The following NIPA2 variants were observed in gnomAD, a reference collection of about 807,000 sequenced individuals.
NIPA2 encodes the protein NIPA magnesium transporter 2, also known as magnesium transporter NIPA2.
A neutral mutation model predicts 29.7 loss-of-function variants in NIPA2; 11 were observed. The observed-to-expected ratio is 0.37, with a 90% CI of 0.23 to 0.61. The LOEUF is 0.61. Ranked by LOEUF, NIPA2 falls within the 20% of genes least tolerant of loss-of-function variation. The probability of loss-of-function intolerance (pLI) is 0.66; values close to 1 mark genes in which losing one functional copy is unlikely to be tolerated. For missense variants in NIPA2, 426 were observed against 437.9 expected (o/e 0.97, Z 0.24); for synonymous variants, 183 against 161.9 (o/e 1.13, Z -0.99).
chr15:22,867,705 T>TAAAA lies in NIPA2; in HGVS notation c.*860_*863dup, dbSNP rs998848199. The TAAAA allele has an allele frequency of 1.2e-4, 19 of 152,344 alleles. No homozygotes were observed. Among genetic ancestry groups the TAAAA allele is most frequent in the Admixed American group, 1.1e-3 (17 of 15,286 alleles). The allele number at this position is 152,344 out of a possible 1,614,324, so 9.4% of individuals were successfully genotyped here. Reference sequence around the variant, plus strand: ...TTCTTAAATTTAGCTCATGTTATAATAAAAAGTTGAAATGAAGTTCTTATT... The same window carrying TAAAA: ...TTCTTAAATTTAGCTCATGTTATAATAAAAAAAAAGTTGAAATGAAGTTCTTATT... On this transcript the variant is annotated 3_prime_UTR_variant, in exon 8 of 8. Coordinates refer to ENST00000337451, the MANE Select transcript of NIPA2 (RefSeq NM_030922.7).
chr15:22,852,195 G>A (rs558143061), intron 4 of NIPA2, among the ~76,000 whole-genome samples: 1 of 152,170 alleles, frequency 6.6e-6, no homozygotes, highest in Non-Finnish European at 1.5e-5. Context: ...GGCTGGGCGT[G>A]GTGGCTCATG....
At chr15:22,843,054 G>C (rs1377322556) in intron 2 of NIPA2, among the ~76,000 whole-genome samples, 1 of 151,860 alleles carries the variant, frequency 6.6e-6, no homozygotes, top group African/African-American at 2.4e-5. Context: ...AAATGATGCA[G>C]GGTCTTTGTT....
intron 3 of NIPA2, among the ~76,000 whole-genome samples, chr15:22,851,314 A>G (rs2057722217): frequency 6.6e-6 from 1 of 152,128 alleles, no homozygotes; most frequent in Non-Finnish European, 1.5e-5. Flanking sequence ...TCCAAACTAG[A>G]TTTGTATATT....
At chr15:22,859,356 G>T (rs555684958) in intron 6 of NIPA2, among the ~76,000 whole-genome samples, 1 of 137,774 alleles carries the variant, frequency 7.3e-6, no homozygotes, top group South Asian at 2.3e-4. Flanking sequence ...GCAGTGGCAC[G>T]ATCTCGGCTC....
At chr15:22,849,864 G>A (rs1173096938) in intron 3 of NIPA2, among the ~76,000 whole-genome samples, 1 of 151,944 alleles carries the variant, frequency 6.6e-6, no homozygotes, top group Non-Finnish European at 1.5e-5. Context: ...GCCCGACCCA[G>A]TGTTTCAGTA....
intron 2 of NIPA2, among the ~76,000 whole-genome samples, chr15:22,840,276 G>C (rs1009324488): frequency 1.3e-5 from 2 of 150,246 alleles, no homozygotes; most frequent in African/African-American, 4.9e-5. Context: ...AGAAAACTAA[G>C]AGCTCTATAT....
At chr15:22,842,245 T>C (rs906741388) in intron 2 of NIPA2, among the ~76,000 whole-genome samples, 1 of 152,080 alleles carries the variant, frequency 6.6e-6, no homozygotes, top group African/African-American at 2.4e-5. Flanking sequence ...GGAGCCACAG[T>C]GAAGGCAATA....
At chr15:22,855,916 C>G (rs2058143576) in intron 5 of NIPA2, among the ~76,000 whole-genome samples, 1 of 152,170 alleles carries the variant, frequency 6.6e-6, no homozygotes, top group Non-Finnish European at 1.5e-5. Context: ...GTATTCACAC[C>G]TTTCTCTAAT....
intron 5 of NIPA2, among the ~76,000 whole-genome samples, chr15:22,857,836 CAAAAA>C (rs60523225): frequency 1.5e-5 from 1 of 68,790 alleles, no homozygotes; most frequent in South Asian, 5.0e-4. Flanking sequence ...GACTCCATCT[CAAAAA>C]AAAAAAAAAA....
At chr15:22,847,373 C>T (rs1329839945) in intron 3 of NIPA2, among the ~76,000 whole-genome samples, 1 of 152,144 alleles carries the variant, frequency 6.6e-6, no homozygotes, top group Non-Finnish European at 1.5e-5. Flanking sequence ...GTGAGCAATA[C>T]AGCTGTCAAG....
At chr15:22,866,166 G>C (rs1373608391) in intron 7 of NIPA2, 47 bp from the exon 8 acceptor site, 2 of 1,524,732 alleles carry the variant, frequency 1.3e-6, no homozygotes, top group Admixed American at 1.8e-5. Flanking sequence ...CTGTGTTTAA[G>C]AACAACCAAC....
rs954332337 is a variant in NIPA2, at chr15:22,866,953, A to AAT, written c.*107_*108dup. Reference sequence around the variant, plus strand: ...TCCTCAAATAATGTTCTTTAAAGGCAATCTTTTTAAAGATTTCACTAATTT... The same window carrying AAT: ...TCCTCAAATAATGTTCTTTAAAGGCAATATCTTTTTAAAGATTTCACTAATTT... On this transcript the variant is annotated 3_prime_UTR_variant, in exon 8 of 8. Coordinates refer to ENST00000337451, the MANE Select transcript of NIPA2 (RefSeq NM_030922.7). 5.8e-5 allele frequency: 64 copies of AAT among 1,105,714 alleles called. No homozygotes were observed. In the African/African-American group the frequency reaches 6.4e-4, roughly 11 times the overall value. 68.5% of individuals were successfully genotyped at this position (1,105,714 alleles called of 1,614,324 possible). A position where few individuals can be genotyped will look rare whatever the true frequency, so the allele number is the denominator to read the frequency against.
intron 6 of NIPA2, among the ~76,000 whole-genome samples, chr15:22,859,051 G>A (rs2058419075): frequency 6.6e-6 from 1 of 152,000 alleles, no homozygotes; most frequent in African/African-American, 2.4e-5. Flanking sequence ...GCGGGCACCT[G>A]TAGTCCCAGC....
chr15:22,839,335 TGTTTA>T (rs1216949988), intron 1 of NIPA2, among the ~76,000 whole-genome samples: 2 of 152,192 alleles, frequency 1.3e-5, no homozygotes, highest in Non-Finnish European at 2.9e-5. Context: ...CAAAACTGTG[TGTTTA>T]GTTTGGTGTT....
intron 5 of NIPA2, among the ~76,000 whole-genome samples, chr15:22,855,530 G>C (rs1255181946): frequency 1.3e-5 from 2 of 152,072 alleles, no homozygotes; most frequent in Non-Finnish European, 2.9e-5. Flanking sequence ...AGATACATCA[G>C]TGAGAGGAAA....
intron 3 of NIPA2, among the ~76,000 whole-genome samples, chr15:22,850,455 G>A (rs149171428): frequency 6.6e-6 from 1 of 152,266 alleles, no homozygotes; most frequent in Non-Finnish European, 1.5e-5. Context: ...ATACAGGAAC[G>A]ATAATGCACC....
At position 22,868,290 on chromosome 15, in the gene NIPA2, T is replaced by C. The variant is rs938960481; in HGVS notation, c.*1443T>C. 1.3e-5 allele frequency: 2 copies of C among 152,216 alleles called. No individual in the cohort carries two copies. The highest frequency in any genetic ancestry group is 6.5e-5 in the Admixed American group (1 of 15,284). 9.4% of individuals were successfully genotyped at this position (152,216 alleles called of 1,614,324 possible). A position where few individuals can be genotyped will look rare whatever the true frequency, so the allele number is the denominator to read the frequency against. ...TGTTTATATACTGTACCTACATCTG[T>C]GCTTTGTACATAAAAGAACCAGTTT... is the stretch of plus-strand genomic sequence containing the variant. On this transcript the variant is annotated 3_prime_UTR_variant, in exon 8 of 8. Coordinates refer to ENST00000337451, the MANE Select transcript of NIPA2 (RefSeq NM_030922.7).
Position 22,866,809 on chromosome 15 carries a change from A to T in NIPA2, c.1045A>T (p.Asn349Tyr). 4 of 1,602,882 alleles carry T rather than the reference A, an allele frequency of 2.5e-6. No individual in the cohort carries two copies. Among genetic ancestry groups the T allele is most frequent in the Non-Finnish European group, 3.4e-6 (4 of 1,173,754 alleles). The change falls in exon 8 of 8, where the codon AAT (asparagine) becomes TAT (tyrosine). Residue 349 changes from asparagine (N) to tyrosine (Y), a missense_variant. Physicochemically the swap from Asn to Tyr is moderately radical, Grantham distance 143 (BLOSUM62 -2). This residue lies in a region of NIPA2 where 357 missense variants were observed against 339.8 expected (regional missense o/e 1.05). Coordinates refer to ENST00000337451, the MANE Select transcript of NIPA2 (RefSeq NM_030922.7). ...TGGAATCGAACAACACACTGGTGAA[A>T]ATGTCTCCCGAAGAAATGGAAATCT... ...TCGIEQHTGE[N>Y]VSRRNGNLTA...
intron 6 of NIPA2, among the ~76,000 whole-genome samples, chr15:22,859,528 G>A (rs982920860): frequency 6.6e-6 from 1 of 152,120 alleles, no homozygotes; most frequent in Admixed American, 6.5e-5. Flanking sequence ...TCCTGACCTC[G>A]TGATCCACCC....
Sources: gnomAD v4.1 joint callset for allele counts (sites outside exome capture counted in the v4.1 genomes callset) on GRCh38, gnomAD v4.1.1 for gene constraint, gnomAD v4.1.1 regional missense constraint, MANE v1.5 for transcripts, NCBI Gene and HGNC (gene_info 2026-07-23, HGNC 2026-07-21) for gene names.